Variants in LONP1 observed in about 807,000 individuals in gnomAD.
LONP1 encodes the protein lon peptidase 1, mitochondrial, also known as lon protease homolog, mitochondrial.
LONP1 carries 31 observed loss-of-function variants against 98.5 expected under a neutral mutation model. That is an observed-to-expected ratio of 0.31 (90% CI 0.24 to 0.42). The LOEUF is 0.42. Among genes scored for constraint, LONP1 ranks in the 20% least tolerant of loss-of-function variants. The pLI, the probability that LONP1 is intolerant of heterozygous loss-of-function variation, is 1.00. For synonymous variants in LONP1, 781 were observed against 594.7 expected (o/e 1.31, Z -4.56); for missense variants, 1,336 against 1,350.6 (o/e 0.99, Z 0.17).
At chr19:5,703,351 G>A (rs2055091252) in intron 8 of LONP1, among the ~76,000 whole-genome samples, 3 of 152,136 alleles carry the variant, frequency 2.0e-5, no homozygotes, top group Admixed American at 2.0e-4. Context: ...CTTAGAAAAT[G>A]GGACAAGGCC....
intron 8 of LONP1, among the ~76,000 whole-genome samples, chr19:5,703,680 G>A (rs1034873793): frequency 1.3e-5 from 2 of 151,520 alleles, no homozygotes; most frequent in Non-Finnish European, 2.9e-5. Context: ...CTGGAGTTTA[G>A]AGACACATGA....
At chr19:5,700,397 G>A (rs904405889) in intron 9 of LONP1, among the ~76,000 whole-genome samples, 6 of 152,204 alleles carry the variant, frequency 3.9e-5, no homozygotes, top group Admixed American at 6.5e-5. Context: ...ACAGGCATGA[G>A]CCACAGCGCC....
At chr19:5,694,586 A>C in intron 14 of LONP1, 34 bp from the exon 15 acceptor site, 1 of 1,584,814 alleles carries the variant, frequency 6.3e-7, no homozygotes, top group Non-Finnish European at 8.6e-7. Flanking sequence ...GGGCACGGGA[A>C]GGTGGGGTGA....
chr19:5,694,815 G>A lies in LONP1; in HGVS notation c.2100C>T (p.Ile700=). The A allele has an allele frequency of 6.2e-7, 1 of 1,600,546 alleles. No individual in the cohort carries two copies. The highest frequency in any genetic ancestry group is 8.5e-7 in the Non-Finnish European group (1 of 1,169,750). ...KLSSDVLTLL[I]KQYCRESGVR... ...CACCGCTCTCGCGGCAGTACTGCTTGATGAGCAGCGTCAGCACGTCCGATG... is the reference window on the plus strand; with the variant it reads ...CACCGCTCTCGCGGCAGTACTGCTTAATGAGCAGCGTCAGCACGTCCGATG... Residue 700 remains isoleucine, a synonymous_variant, in exon 14 of 18, where the codon ATC becomes ATT. Transcript: ENST00000360614.
In LONP1 at chr19:5,711,840, C is replaced by T. The variant is rs752168905; in HGVS notation, c.801G>A (p.Pro267=). ...ELAMEPTPEL[P]AEVLMVEVEN... ...CTACCTCCACCATGAGCACCTCAGC[C>T]GGGAGCTCAGGGGTGGGCTCCATCG... Residue 267 remains proline (P), a synonymous_variant, in exon 4 of 18, where the codon CCG becomes CCA. Transcript: ENST00000360614. The T allele has an allele frequency of 7.4e-6, 12 of 1,612,872 alleles. No homozygotes were observed. Among genetic ancestry groups the T allele is most frequent in the South Asian group, 1.1e-5 (1 of 91,084 alleles).
At chr19:5,693,802 G>A (rs988614250) in intron 15 of LONP1, 33 bp from the exon 16 acceptor site, 19 of 1,583,840 alleles carry the variant, frequency 1.2e-5, no homozygotes, top group Non-Finnish European at 8.6e-7. Context: ...AACACGGGAG[G>A]CCTCGGAGCC....
chr19:5,703,411 T>A (rs1012149435), intron 8 of LONP1, among the ~76,000 whole-genome samples: 41 of 149,836 alleles, frequency 2.7e-4, no homozygotes, highest in Non-Finnish European at 7.4e-5. Context: ...GCCGGGAGAG[T>A]GACGCTGAAG....
At chr19:5,696,635 C>A in intron 11 of LONP1, 35 bp downstream of exon 11, 1 of 1,593,598 alleles carries the variant, frequency 6.3e-7, no homozygotes, top group Non-Finnish European at 8.6e-7. Context: ...ACGGCATTGC[C>A]GGGTTAGGGG....
At chr19:5,710,951 G>C (rs2055226930) in intron 4 of LONP1, among the ~76,000 whole-genome samples, 1 of 152,072 alleles carries the variant, frequency 6.6e-6, no homozygotes, top group African/African-American at 2.4e-5. Flanking sequence ...ACTTGAACCT[G>C]GGAGGTGGAA....
At chr19:5,703,238 A>G (rs545772262) in intron 8 of LONP1, among the ~76,000 whole-genome samples, 21 of 152,020 alleles carry the variant, frequency 1.4e-4, no homozygotes, top group South Asian at 1.0e-3. Flanking sequence ...CCAGTGCAGG[A>G]AGGAGGAGAT....
upstream of LONP1, chr19:5,720,275 G>C (rs73920047): frequency 8.4e-7 from 1 of 1,186,844 alleles, no homozygotes; most frequent in South Asian, 1.9e-5. Context: ...ACGCGGAGAA[G>C]AGGGGGCGGA....
At chr19:5,706,037 G>T (rs1172995607) in intron 7 of LONP1, 45 bp from the exon 8 acceptor site, 2 of 1,376,542 alleles carry the variant, frequency 1.5e-6, no homozygotes, top group Admixed American at 1.7e-5. Flanking sequence ...CCGGGAAGCT[G>T]GGTGGGTGGG....
rs148423837 is a variant in LONP1, at chr19:5,708,352, G to T, written c.922C>A (p.Pro308Thr). 6.2e-7 allele frequency: 1 copy of T among 1,612,192 alleles called. No individual in the cohort carries two copies. Among genetic ancestry groups the T allele is most frequent in the South Asian group, 1.1e-5 (1 of 91,068 alleles). Residue 308 changes from proline to threonine, a missense_variant, in exon 5 of 18, where the codon CCT becomes ACT. This residue lies in a region of LONP1 where 97 missense variants were observed against 139.0 expected (regional missense o/e 0.70). Coordinates refer to ENST00000360614, the MANE Select transcript of LONP1 (RefSeq NM_004793.4). Reference protein sequence around the residue: ...KTIRDIIALNPLYRESVLQMM... With the variant: ...KTIRDIIALNTLYRESVLQMM... ...CGCACAGAGGCCCACCTGTAGAGAG[G>T]GTTCAAGGCAATGATGTCCCGGATG...
chr19:5,697,584 A>G (rs1231529129), intron 10 of LONP1, among the ~76,000 whole-genome samples: 1 of 104,136 alleles, frequency 9.6e-6, no homozygotes, highest in Non-Finnish European at 1.9e-5. Flanking sequence ...GGGGAGGAAG[A>G]AGAGAGGGAG....
chr19:5,715,333 CTTTT>C (rs554066832), intron 1 of LONP1, among the ~76,000 whole-genome samples: 1 of 138,234 alleles, frequency 7.2e-6, no homozygotes, highest in Non-Finnish European at 1.6e-5. Flanking sequence ...TGATAACTTC[CTTTT>C]TTTTTTTTTT....
intron 4 of LONP1, 94 bp from the exon 5 acceptor site, chr19:5,708,497 G>T: frequency 9.3e-7 from 1 of 1,075,044 alleles, no homozygotes. Context: ...CCACCCACCA[G>T]CTCCATCAAC....
chr19:5,696,193 G>T (rs200248863), intron 12 of LONP1, 23 bp from the exon 13 acceptor site: 6 of 1,612,674 alleles, frequency 3.7e-6, no homozygotes, highest in Non-Finnish European at 5.1e-6. Context: ...GCAAGGTGCT[G>T]GGGGACTGGC....
intron 8 of LONP1, among the ~76,000 whole-genome samples, chr19:5,702,079 G>GA (rs2055058398): frequency 2.6e-5 from 4 of 151,330 alleles, no homozygotes; most frequent in African/African-American, 9.7e-5. Context: ...GGGAGGTGGG[G>GA]GGGTCAGCCC....
chr19:5,698,275 A>C (rs1285016842), intron 10 of LONP1, among the ~76,000 whole-genome samples: 1 of 152,188 alleles, frequency 6.6e-6, no homozygotes, highest in Non-Finnish European at 1.5e-5. Flanking sequence ...GGATGTTTTT[A>C]GAGAAGGCAG....
Sources: allele counts gnomAD v4.1 joint callset (sites outside exome capture counted in the v4.1 genomes callset), GRCh38; gene constraint gnomAD v4.1.1; regional missense constraint gnomAD v4.1.1; transcripts MANE v1.5; gene names NCBI Gene and HGNC (gene_info 2026-07-23, HGNC 2026-07-21).